Variants in NAA35 observed in about 807,000 individuals in gnomAD.
NAA35 encodes the protein N-alpha-acetyltransferase 35, NatC auxiliary subunit, also known as MAK10 homolog, amino-acid N-acetyltransferase subunit.
In NAA35, 18 loss-of-function variants were observed where a neutral mutation model predicts 101.7. The observed-to-expected ratio is 0.18, with a 90% CI of 0.12 to 0.26. The LOEUF (loss-of-function observed/expected upper bound fraction) is 0.26. Ranked by LOEUF, NAA35 falls within the 10% of genes least tolerant of loss-of-function variation. The pLI is 1.00. For missense variants in NAA35, 601 were observed against 886.8 expected (o/e 0.68, Z 4.09); for synonymous variants, 267 against 273.1 (o/e 0.98, Z 0.22).
chr9:85,953,763 A>C (rs1829123162), intron 2 of NAA35, among the ~76,000 whole-genome samples: 1 of 152,134 alleles, frequency 6.6e-6, no homozygotes, highest in Non-Finnish European at 1.5e-5. Flanking sequence ...TAAGTATTTC[A>C]TTTAAATGGA....
At chr9:85,961,407 C>G (rs1375823810) in intron 5 of NAA35, among the ~76,000 whole-genome samples, 1 of 152,092 alleles carries the variant, frequency 6.6e-6, no homozygotes, top group East Asian at 1.9e-4. Flanking sequence ...TGAAAATAAC[C>G]TAGTATAATA....
chr9:86,013,047 C>T lies in NAA35; in HGVS notation c.1292C>T (p.Pro431Leu). The T allele has an allele frequency of 6.5e-7, 1 of 1,534,570 alleles. No individual in the cohort carries two copies. The highest frequency in any genetic ancestry group is 8.9e-7 in the Non-Finnish European group (1 of 1,128,682). The change falls in exon 16 of 23, where the codon CCA becomes CTA. Residue 431 changes from proline to leucine, a missense_variant and splice_region_variant. Transcript: ENST00000361671. The part of the protein sequence containing the change: ...IDSFVTHCVR[P>L]FCSLIQIHGH... ...TGACAAATTATATGTGTATTGCAGC[C>T]ATTCTGTAGTCTTATTCAGATCCAT...
rs1832595248 is a variant in NAA35, at chr9:86,022,225, C to A, written c.*265C>A. 3 of 279,310 alleles carry A rather than the reference C, an allele frequency of 1.1e-5. No homozygotes were observed. Among genetic ancestry groups the A allele is most frequent in the South Asian group, 1.2e-4 (1 of 8,398 alleles). 17.3% of individuals were successfully genotyped at this position (279,310 alleles called of 1,614,324 possible). A position where few individuals can be genotyped will look rare whatever the true frequency, so the allele number is the denominator to read the frequency against. On this transcript the variant is annotated 3_prime_UTR_variant, in exon 23 of 23. Coordinates refer to ENST00000361671, the MANE Select transcript of NAA35 (RefSeq NM_024635.4). ...TATGGTTTTATTACAGATTTAATCA[C>A]AAATCATTTTTTATGAATGATTGAG...
Position 85,977,350 on chromosome 9 carries a change from C to G in NAA35, c.679-13C>G. ...TGCATCTTTTAACTTTTAGTCCTTT[C>G]TTGTTTTTTTAGCACCAACAATGTT... On this transcript the variant is annotated splice_polypyrimidine_tract_variant and intron_variant, in intron 9 of 22. Transcript: ENST00000361671. 1 of 1,598,624 alleles carries G rather than the reference C, an allele frequency of 6.3e-7. No individual in the cohort carries two copies. The highest frequency in any genetic ancestry group is 8.6e-7 in the Non-Finnish European group (1 of 1,166,962).
chr9:85,999,095 T>A (rs1176290355), intron 12 of NAA35, among the ~76,000 whole-genome samples: 1 of 152,252 alleles, frequency 6.6e-6, no homozygotes, highest in Non-Finnish European at 1.5e-5. Context: ...TAATACCTTC[T>A]GTTGCATTTG....
chr9:85,960,210 T>C (rs575658021), intron 5 of NAA35, among the ~76,000 whole-genome samples: 2 of 152,358 alleles, frequency 1.3e-5, no homozygotes, highest in Non-Finnish European at 2.9e-5. Flanking sequence ...AGAGCTATTA[T>C]GCAATGGCTT....
At chr9:86,004,645 T>C (rs1831554251) in intron 13 of NAA35, among the ~76,000 whole-genome samples, 1 of 152,026 alleles carries the variant, frequency 6.6e-6, no homozygotes, top group Non-Finnish European at 1.5e-5. Context: ...TCTTTGAAAA[T>C]ATTCATGAAG....
In NAA35 at chr9:86,024,604, G is replaced by C. The variant is rs886141195; in HGVS notation, c.*2644G>C. On this transcript the variant is annotated 3_prime_UTR_variant, in exon 23 of 23. Transcript: ENST00000361671. ...GTGGATGAAATCAAATGTTTTCAGA[G>C]GTACAGCTAATGGGACATGGTGAAT... Among the ~76,000 whole-genome samples, 2 of 152,126 alleles carry C rather than the reference G, an allele frequency of 1.3e-5. No homozygotes were observed. The highest frequency in any genetic ancestry group is 4.8e-5 in the African/African-American group (2 of 41,420).
In NAA35 at chr9:86,025,425, T is replaced by C. The variant is rs1832743045; in HGVS notation, c.*3465T>C. 6.6e-6 allele frequency among the ~76,000 whole-genome samples: 1 copy of C among 152,166 alleles called. No homozygotes were observed. Among genetic ancestry groups the C allele is most frequent in the African/African-American group, 2.4e-5 (1 of 41,460 alleles). ...AGAACTGACTTCCCCATATTCATAC[T>C]TGCCCCACTCTATTTGTGGAGTGGC... is the stretch of plus-strand genomic sequence containing the variant. On this transcript the variant is annotated 3_prime_UTR_variant, in exon 23 of 23. Transcript: ENST00000361671.
intron 8 of NAA35, among the ~76,000 whole-genome samples, chr9:85,976,346 G>A (rs558648138): frequency 5.3e-5 from 8 of 152,132 alleles, no homozygotes; most frequent in Non-Finnish European, 1.0e-4. Context: ...TTTCTAACAG[G>A]GTTAGTTTTG....
Position 86,025,199 on chromosome 9 carries a change from T to C in NAA35, c.*3239T>C, listed in dbSNP as rs984566397. On this transcript the variant is annotated 3_prime_UTR_variant, in exon 23 of 23. Transcript: ENST00000361671. Reference sequence around the variant, plus strand: ...CTGGAAAAAGCCTGCAAAGGAGACTTATCAGGAAAATAAGCAGAATGAGGG... The same window carrying C: ...CTGGAAAAAGCCTGCAAAGGAGACTCATCAGGAAAATAAGCAGAATGAGGG... 7.9e-5 allele frequency among the ~76,000 whole-genome samples: 12 copies of C among 152,076 alleles called. No individual in the cohort carries two copies. The highest frequency in any genetic ancestry group is 2.6e-4 in the Admixed American group (4 of 15,268).
At chr9:85,958,148 T>A (rs1216802682) in intron 3 of NAA35, among the ~76,000 whole-genome samples, 1 of 151,880 alleles carries the variant, frequency 6.6e-6, no homozygotes, top group Non-Finnish European at 1.5e-5. Flanking sequence ...TCCATGTTGG[T>A]CAGGCTGGTC....
intron 11 of NAA35, among the ~76,000 whole-genome samples, chr9:85,983,939 A>G (rs1432145086): frequency 2.6e-5 from 4 of 152,046 alleles, no homozygotes; most frequent in South Asian, 4.1e-4. Context: ...AGAAAGGTCT[A>G]CTATCTAATA....
At chr9:86,007,521 T>C in intron 14 of NAA35, 57 bp downstream of exon 14, 1 of 1,251,386 alleles carries the variant, frequency 8.0e-7, no homozygotes, top group South Asian at 1.3e-5. Context: ...AAAGCCCAAC[T>C]TCTCTGTACT....
At position 86,007,427 on chromosome 9, in the gene NAA35, C is replaced by T. The variant is rs1217118223; in HGVS notation, c.1186C>T (p.Leu396Phe). ...HLMQDMVKDALRSFVSPPVLS... is the reference protein window; with the variant it reads ...HLMQDMVKDAFRSFVSPPVLS... Reference sequence around the variant, plus strand: ...CATGCAAGACATGGTGAAAGATGCACTTCGGTCTTTTGTCAGTCCTCCGGT... The same window carrying T: ...CATGCAAGACATGGTGAAAGATGCATTTCGGTCTTTTGTCAGTCCTCCGGT... Residue 396 changes from leucine to phenylalanine, a missense_variant, in exon 14 of 23, where the codon CTT becomes TTT. Leu to Phe is a conservative substitution (Grantham distance 22, BLOSUM62 0). Transcript: ENST00000361671. 6.2e-7 allele frequency: 1 copy of T among 1,613,698 alleles called. No individual in the cohort carries two copies. Among genetic ancestry groups the T allele is most frequent in the Admixed American group, 1.7e-5 (1 of 60,000 alleles).
At chr9:85,996,798 A>T (rs928303994) in intron 12 of NAA35, among the ~76,000 whole-genome samples, 3 of 152,202 alleles carry the variant, frequency 2.0e-5, no homozygotes, top group African/African-American at 7.2e-5. Flanking sequence ...TAATCCTCAA[A>T]AGCTTTTACA....
Position 86,016,554 on chromosome 9 carries a change from C to G in NAA35, c.1584C>G (p.Phe528Leu). The G allele has an allele frequency of 6.2e-7, 1 of 1,613,624 alleles. No individual in the cohort carries two copies. Among genetic ancestry groups the G allele is most frequent in the Non-Finnish European group, 8.5e-7 (1 of 1,179,796 alleles). ...YYYIYWYLSE[F>L]LYAWLMSTLS... ...ATCCTTTAAGGTATCTCTCTGAATT[C>G]CTTTACGCATGGTTGATGTCAACAT... The change falls in exon 18 of 23, where the codon TTC becomes TTG. Residue 528 changes from phenylalanine to leucine, a missense_variant. Coordinates refer to ENST00000361671, the MANE Select transcript of NAA35 (RefSeq NM_024635.4).
intron 17 of NAA35, among the ~76,000 whole-genome samples, chr9:86,016,207 T>A (rs1330933587): frequency 1.3e-5 from 2 of 152,144 alleles, no homozygotes; most frequent in Non-Finnish European, 2.9e-5. Flanking sequence ...TAATTTTTTA[T>A]CTTTTTCTGA....
rs1355563702 is a variant in NAA35, at chr9:86,013,666, C to T, written c.1390-53C>T. On this transcript the variant is annotated intron_variant, in intron 16 of 22. Coordinates refer to ENST00000361671, the MANE Select transcript of NAA35 (RefSeq NM_024635.4). ...GCTGTACGTTTTTTTAAAGTTCTGT[C>T]ATTACCTTAAGAAAACAAAACGAAC... The T allele has an allele frequency of 3.9e-5, 59 of 1,519,176 alleles. No homozygotes were observed. The Admixed American group carries it at 1.1e-3, about 27-fold the overall frequency. 94.1% of individuals were successfully genotyped at this position (1,519,176 alleles called of 1,614,324 possible).
Sources: gnomAD v4.1 joint callset for allele counts (sites outside exome capture counted in the v4.1 genomes callset) on GRCh38, gnomAD v4.1.1 for gene constraint, MANE v1.5 for transcripts, NCBI Gene and HGNC (gene_info 2026-07-23, HGNC 2026-07-21) for gene names.